Variants in CEP128 observed in about 807,000 individuals in gnomAD.
CEP128 encodes the protein centrosomal protein 128.
CEP128 carries 132 observed loss-of-function variants against 156.7 expected under a neutral mutation model. That is an observed-to-expected ratio of 0.84 (90% CI 0.73 to 0.97). The LOEUF is 0.97. CEP128 is among the 50% of genes least tolerant of loss of function. The pLI is 0.00. For synonymous variants in CEP128, 469 were observed against 448.9 expected (o/e 1.04, Z -0.57); for missense variants, 1,252 against 1,281.9 (o/e 0.98, Z 0.36).
intron 12 of CEP128, among the ~76,000 whole-genome samples, chr14:80,832,537 A>C (rs921488450): frequency 3.3e-5 from 5 of 152,238 alleles, no homozygotes; most frequent in African/African-American, 4.8e-5. Flanking sequence ...ATAGGATGAT[A>C]AGAGCGCTGA....
intron 15 of CEP128, among the ~76,000 whole-genome samples, chr14:80,782,258 T>A (rs1437999651): frequency 6.6e-6 from 1 of 152,210 alleles, no homozygotes; most frequent in Non-Finnish European, 1.5e-5. Flanking sequence ...TTATTTGACC[T>A]GTTCTTTCCC....
rs1432039904 is a variant in CEP128, at chr14:80,659,394, C to A, written c.2807-78971G>T. Among the ~76,000 whole-genome samples, 3 of 152,248 alleles carry A rather than the reference C, an allele frequency of 2.0e-5. No homozygotes were observed. In the East Asian group the frequency reaches 5.8e-4, roughly 29 times the overall value. ...TCTGGGTTTCCAATTGAAGTGTATG[C>A]TTCCTGAGTACATGGAGCTTGGCAC... On this transcript the variant is annotated intron_variant, in intron 19 of 24. Coordinates refer to ENST00000555265, the MANE Select transcript of CEP128 (RefSeq NM_152446.5).
chr14:80,871,216 GGA>G (rs935478601), intron 8 of CEP128, among the ~76,000 whole-genome samples: 9 of 152,042 alleles, frequency 5.9e-5, no homozygotes, highest in African/African-American at 2.2e-4. Context: ...TAAACCTGGA[GGA>G]ATAATTAAAC....
chr14:80,591,054 T>A (rs965785471), intron 19 of CEP128, among the ~76,000 whole-genome samples: 4 of 152,046 alleles, frequency 2.6e-5, no homozygotes, highest in African/African-American at 9.7e-5. Context: ...TGCAAAAACA[T>A]ACCAAATAGT....
chr14:80,580,348 C>T (rs755223661), intron 20 of CEP128, 26 bp downstream of exon 20: 14 of 1,502,818 alleles, frequency 9.3e-6, no homozygotes, highest in Admixed American at 1.7e-5. Flanking sequence ...TCATACCAAG[C>T]ATGCTTGCCC....
intron 19 of CEP128, among the ~76,000 whole-genome samples, chr14:80,629,867 C>T (rs528605560): frequency 1.8e-4 from 28 of 151,836 alleles, no homozygotes; most frequent in Non-Finnish European, 3.2e-4. Flanking sequence ...GGTAACAAAA[C>T]ATTTTGAATT....
rs191611700 is a variant in CEP128 at position 80,704,713 on chromosome 14, T to G, written c.2806+38362A>C. Among the ~76,000 whole-genome samples the G allele has an allele frequency of 2.3e-3, 283 of 123,316 alleles. 3 individuals carry two copies. The highest frequency in any genetic ancestry group is 6.8e-3 in the African/African-American group (271 of 39,812). The allele number at this position is 123,316 out of a possible 152,430, so 80.9% of individuals were successfully genotyped here. On this transcript the variant is annotated intron_variant, in intron 19 of 24. Transcript: ENST00000555265. Reference sequence around the variant, plus strand: ...AATTAGGATGGTAATGATACTGATGTCAAAATTTAGCCTAAACTGATTCTG... The same window carrying G: ...AATTAGGATGGTAATGATACTGATGGCAAAATTTAGCCTAAACTGATTCTG...
intron 23 of CEP128, among the ~76,000 whole-genome samples, chr14:80,512,589 G>A (rs928835785): frequency 5.3e-5 from 8 of 151,742 alleles, no homozygotes; most frequent in African/African-American, 1.9e-4. Context: ...TACATTCACT[G>A]TTATTATTGA....
chr14:80,749,015 T>C (rs1899248732), intron 18 of CEP128, among the ~76,000 whole-genome samples: 1 of 152,124 alleles, frequency 6.6e-6, no homozygotes, highest in Non-Finnish European at 1.5e-5. Context: ...ATAGTCACCA[T>C]AAGCCCTGGG....
intron 24 of CEP128, among the ~76,000 whole-genome samples, chr14:80,503,697 G>T (rs182241634): frequency 1.3e-5 from 2 of 152,138 alleles, no homozygotes; most frequent in Admixed American, 6.5e-5. Flanking sequence ...TGCTAAATAT[G>T]AAAGAAAAAA....
At chr14:80,727,909 G>A (rs1898080285) in intron 19 of CEP128, among the ~76,000 whole-genome samples, 1 of 152,134 alleles carries the variant, frequency 6.6e-6, no homozygotes, top group South Asian at 2.1e-4. Flanking sequence ...ATACACTGCT[G>A]GTGGGAATAT....
chr14:80,795,357 AAGG>A (rs1883402495), intron 13 of CEP128, among the ~76,000 whole-genome samples: 1 of 152,170 alleles, frequency 6.6e-6, no homozygotes, highest in Non-Finnish European at 1.5e-5. Flanking sequence ...CTTCATTGTC[AAGG>A]AGATGACCAC....
intron 19 of CEP128, among the ~76,000 whole-genome samples, chr14:80,654,609 T>C (rs890263445): frequency 3.3e-5 from 5 of 152,204 alleles, no homozygotes; most frequent in African/African-American, 1.2e-4. Flanking sequence ...GTGTCTCCAA[T>C]ATCATTAGTG....
rs114639410 is a variant in CEP128 at position 80,787,210 on chromosome 14, C to T, written c.1561-1665G>A. The stretch of plus-strand genomic sequence containing the variant: ...AAATCAATGTATCAGCTGGCCAGGG[C>T]GCTTGTCTGGAGGTTCTGAGGAGAA... On this transcript the variant is annotated intron_variant, in intron 14 of 24. Transcript: ENST00000555265. 7.5e-3 allele frequency among the ~76,000 whole-genome samples: 1,136 copies of T among 152,226 alleles called. 16 individuals carry two copies. Among genetic ancestry groups the T allele is most frequent in the African/African-American group, 0.025 (1,054 of 41,544 alleles).
chr14:80,718,380 T>G (rs1459490831), intron 19 of CEP128, among the ~76,000 whole-genome samples: 1 of 152,234 alleles, frequency 6.6e-6, no homozygotes, highest in Non-Finnish European at 1.5e-5. Flanking sequence ...GAGAAAAATT[T>G]AAACAACTAG....
Position 80,904,847 on chromosome 14 carries a change from A to T in CEP128, c.446T>A (p.Val149Asp), listed in dbSNP as rs1051604875. ...GIKRMRSRTG[V>D]RFVQETDDMT... Reference sequence around the variant, plus strand: ...ATCATCAGTCTCTTGAACAAACCGGACACCAGTTCTTGATCTCATTCGTTT... The same window carrying T: ...ATCATCAGTCTCTTGAACAAACCGGTCACCAGTTCTTGATCTCATTCGTTT... The change falls in exon 6 of 25, where the codon GTC (valine) becomes GAC (aspartate). Residue 149 changes from valine (V) to aspartate (D), a missense_variant. Physicochemically the swap from Val to Asp is radical, Grantham distance 152. Coordinates refer to ENST00000555265, the MANE Select transcript of CEP128 (RefSeq NM_152446.5). The T allele has an allele frequency of 6.2e-7, 1 of 1,608,858 alleles. No individual in the cohort carries two copies. The highest frequency in any genetic ancestry group is 8.5e-7 in the Non-Finnish European group (1 of 1,175,244).
chr14:80,656,610 G>T (rs889909747), intron 19 of CEP128, among the ~76,000 whole-genome samples: 4 of 152,012 alleles, frequency 2.6e-5, no homozygotes, highest in Middle Eastern at 3.4e-3. Context: ...TGCCTCTGGA[G>T]AATATTAAAT....
chr14:80,724,327 G>A (rs1441302737), intron 19 of CEP128, among the ~76,000 whole-genome samples: 5 of 152,024 alleles, frequency 3.3e-5, no homozygotes, highest in East Asian at 1.9e-4. Context: ...CACTTAAGAC[G>A]TTGAATAAAA....
At chr14:80,918,900 G>A (rs1370438601) in intron 2 of CEP128, among the ~76,000 whole-genome samples, 1 of 151,962 alleles carries the variant, frequency 6.6e-6, no homozygotes, top group Non-Finnish European at 1.5e-5. Context: ...CCAGATTAAG[G>A]GGTTTTTGTT....
Sources: allele counts gnomAD v4.1 joint callset (sites outside exome capture counted in the v4.1 genomes callset), GRCh38; gene constraint gnomAD v4.1.1; transcripts MANE v1.5; gene names NCBI Gene and HGNC (gene_info 2026-07-23, HGNC 2026-07-21).